KIF19: variants seen among roughly 807,000 people sequenced by gnomAD.
The protein encoded by KIF19 is kinesin-like protein KIF19.
Under a neutral mutation model 106.6 loss-of-function variants are expected in KIF19, and 98 were observed. The ratio of observed to expected loss-of-function variants is 0.92; its 90% CI spans 0.78 to 1.09. KIF19 has a LOEUF of 1.09. Ranked by LOEUF, KIF19 falls within the 50% of genes least tolerant of loss-of-function variation. KIF19 has a pLI of 0.00. For synonymous variants in KIF19, 516 were observed against 584.2 expected (o/e 0.88, Z 1.68); for missense variants, 1,373 against 1,414.3 (o/e 0.97, Z 0.47).
At chr17:74,352,775 C>T (rs2054753396) in intron 14 of KIF19, 46 bp from the exon 15 acceptor site, 2 of 1,612,074 alleles carry the variant, frequency 1.2e-6, no homozygotes, top group Admixed American at 1.7e-5. Context: ...TGATTTGGTC[C>T]AGGACCAAAT....
rs1353355046 is a variant in KIF19, at chr17:74,352,808, C to T, written c.1981-13C>T. 1.9e-6 allele frequency: 3 copies of T among 1,613,928 alleles called. No individual in the cohort carries two copies. The highest frequency in any genetic ancestry group is 1.7e-5 in the Admixed American group (1 of 60,026). On this transcript the variant is annotated splice_polypyrimidine_tract_variant and intron_variant, in intron 14 of 19. Transcript: ENST00000389916. ...AATCTTCTAACTGTCCACCCTGGCT[C>T]CCTCCTCCCCAGGACAGCTCCTTGC...
intron 3 of KIF19, among the ~76,000 whole-genome samples, chr17:74,342,386 G>T (rs2054405368): frequency 6.6e-6 from 1 of 152,176 alleles, no homozygotes; most frequent in Non-Finnish European, 1.5e-5. Flanking sequence ...CATCCTCAGG[G>T]CGGGGGGCCA....
chr17:74,328,538 C>CAGAT, intron 2 of KIF19, 33 bp downstream of exon 2: 2 of 1,562,592 alleles, frequency 1.3e-6, no homozygotes, highest in Non-Finnish European at 1.7e-6. Context: ...AGCTGCAGGG[C>CAGAT]AGAGGTCTGC....
intron 14 of KIF19, among the ~76,000 whole-genome samples, chr17:74,352,560 G>T (rs2054745282): frequency 6.6e-6 from 1 of 152,178 alleles, no homozygotes; most frequent in Non-Finnish European, 1.5e-5. Context: ...CCCACCCAGG[G>T]TCTGAGGGTC....
In KIF19 at chr17:74,347,703, G is replaced by A. The variant is rs1009632082; in HGVS notation, c.925-74G>A. On this transcript the variant is annotated intron_variant, in intron 8 of 19. Transcript: ENST00000389916. ...CAGAGAGATTGCACTCGCCAGGGAG[G>A]GCATCGTGAACAGCCTGGCAGGAGG... The A allele has an allele frequency of 6.6e-6, 10 of 1,521,396 alleles. No individual in the cohort carries two copies. The African/African-American group carries it at 1.2e-4, about 19-fold the overall frequency. The allele number at this position is 1,521,396 out of a possible 1,614,324, so 94.2% of individuals were successfully genotyped here.
chr17:74,333,077 C>T (rs575096357), intron 2 of KIF19, among the ~76,000 whole-genome samples: 76 of 152,338 alleles, frequency 5.0e-4, no homozygotes, highest in African/African-American at 1.6e-3. Flanking sequence ...AGAAGTGCTG[C>T]GGGAGCAGCT....
At chr17:74,339,438 C>G (rs1185148791) in intron 2 of KIF19, among the ~76,000 whole-genome samples, 1 of 151,144 alleles carries the variant, frequency 6.6e-6, no homozygotes, top group Non-Finnish European at 1.5e-5. Context: ...TGCCCATGCC[C>G]TACCTCCCTC....
In KIF19 at chr17:74,350,446, G is replaced by A. The variant is rs1395344368; in HGVS notation, c.1259G>A (p.Gly420Glu). 5.6e-6 allele frequency: 9 copies of A among 1,608,880 alleles called. No homozygotes were observed. The highest frequency in any genetic ancestry group is 7.6e-6 in the Non-Finnish European group (9 of 1,178,546). The change falls in exon 11 of 20, where the codon GGA becomes GAA. Residue 420 changes from glycine to glutamate, a missense_variant. This residue lies in a region of KIF19 where 1,020 missense variants were observed against 1,008.2 expected (regional missense o/e 1.01). Coordinates refer to ENST00000389916, the MANE Select transcript of KIF19 (RefSeq NM_153209.4). Reference protein sequence around the residue: ...HSGQGEKAGMGQLREQLASAF... With the variant: ...HSGQGEKAGMEQLREQLASAF... ...GGGCAGGGTGAGAAGGCTGGCATGG[G>A]ACAGCTTCGGGAGCAGCTCGCCAGC...
intron 4 of KIF19, 56 bp downstream of exon 4, chr17:74,342,773 C>T: frequency 1.3e-6 from 2 of 1,495,578 alleles, no homozygotes; most frequent in Non-Finnish European, 1.9e-6. Context: ...TAATCCCCGT[C>T]ACCCTCCAAC....
chr17:74,352,528 G>A (rs940971935), intron 14 of KIF19, among the ~76,000 whole-genome samples, 188 bp downstream of exon 14: 1 of 152,174 alleles, frequency 6.6e-6, no homozygotes, highest in Non-Finnish European at 1.5e-5. Flanking sequence ...TCCTCCTTGG[G>A]CACTCCTGGG....
rs923216345 is a variant in KIF19, at chr17:74,331,344, C to T, written c.120+2839C>T. Among the ~76,000 whole-genome samples, 2 of 151,266 alleles carry T rather than the reference C, an allele frequency of 1.3e-5. No individual in the cohort carries two copies. The highest frequency in any genetic ancestry group is 2.9e-5 in the Non-Finnish European group (2 of 67,848). On this transcript the variant is annotated intron_variant, in intron 2 of 19. Transcript: ENST00000389916. The surrounding 1 kb of genome is among the most constrained non-coding windows in gnomAD (Gnocchi z 4.1). ...TTTGGGAGCTGAGCCAGGACATGTT[C>T]GTCCTGAGTGGGGAGAGGTGGACCG...
chr17:74,328,380 A>G (rs1340790613), intron 1 of KIF19, 45 bp from the exon 2 acceptor site: 3 of 1,548,928 alleles, frequency 1.9e-6, no homozygotes, highest in Non-Finnish European at 2.6e-6. Context: ...GAGGCCCAGC[A>G]TGGTCCTCTC....
At chr17:74,351,072 T>G in intron 12 of KIF19, 167 bp downstream of exon 12, 3 of 659,724 alleles carry the variant, frequency 4.5e-6, no homozygotes, top group Non-Finnish European at 8.1e-6. Context: ...ATGCGTCACA[T>G]TCCCCACCTG....
intron 2 of KIF19, among the ~76,000 whole-genome samples, chr17:74,333,056 T>G (rs2054135538): frequency 6.6e-6 from 1 of 152,220 alleles, no homozygotes; most frequent in Admixed American, 6.5e-5. Flanking sequence ...AGATGTCAGC[T>G]GCCCGAGCCC....
intron 15 of KIF19, 117 bp downstream of exon 15, chr17:74,353,071 G>T (rs2054765163): frequency 4.9e-6 from 7 of 1,441,392 alleles, no homozygotes; most frequent in Non-Finnish European, 5.8e-6. Context: ...AGGTGGCCCA[G>T]GTCTGGAGCC....
rs1400295902 is a variant in KIF19, at chr17:74,352,283, G to A, written c.1923G>A (p.Glu641=). The A allele has an allele frequency of 1.2e-6, 2 of 1,612,576 alleles. No individual in the cohort carries two copies. Among genetic ancestry groups the A allele is most frequent in the Non-Finnish European group, 1.7e-6 (2 of 1,179,616 alleles). The change falls in exon 14 of 20, where the codon GAG becomes GAA. Residue 641 remains glutamate, a synonymous_variant. Transcript: ENST00000389916. The part of the protein sequence containing the change: ...ELYEVYLREL[E]EGSLEQATIM... ...ACGAAGTGTACCTGCGGGAGCTGGAGGAGGGCAGCCTGGAGCAGGCCACCA... is the reference window on the plus strand; with the variant it reads ...ACGAAGTGTACCTGCGGGAGCTGGAAGAGGGCAGCCTGGAGCAGGCCACCA...
intron 15 of KIF19, 97 bp downstream of exon 15, chr17:74,353,051 G>A: frequency 6.6e-7 from 1 of 1,504,742 alleles, no homozygotes; most frequent in Admixed American, 1.9e-5. Flanking sequence ...GAGCAGCAAT[G>A]AGAGGGAGCA....
chr17:74,350,915 G>A lies in KIF19; in HGVS notation c.1587+10G>A. On this transcript the variant is annotated intron_variant, in intron 12 of 19. Coordinates refer to ENST00000389916, the MANE Select transcript of KIF19 (RefSeq NM_153209.4). Reference sequence around the variant, plus strand: ...ACTGCGCAAGCAGAAGGTGTCCAGGGTTTGGGGGGACAAGGAGAGTGGGTT... The same window carrying A: ...ACTGCGCAAGCAGAAGGTGTCCAGGATTTGGGGGGACAAGGAGAGTGGGTT... The A allele has an allele frequency of 9.3e-6, 15 of 1,613,146 alleles. No individual in the cohort carries two copies. The highest frequency in any genetic ancestry group is 1.2e-5 in the Non-Finnish European group (14 of 1,179,846).
rs2054820686 is a variant in KIF19 at position 74,354,512 on chromosome 17, A to G, written c.2659A>G (p.Lys887Glu). 6.2e-7 allele frequency: 1 copy of G among 1,603,830 alleles called. No homozygotes were observed. The highest frequency in any genetic ancestry group is 8.5e-7 in the Non-Finnish European group (1 of 1,175,910). Residue 887 changes from lysine (K) to glutamate (E), a missense_variant, in exon 18 of 20, where the codon AAG becomes GAG. Coordinates refer to ENST00000389916, the MANE Select transcript of KIF19 (RefSeq NM_153209.4). ...GKKREESLEA[K>E]RRKRRSRSFE... The stretch of plus-strand genomic sequence containing the variant: ...GAAAAGGGAGGAGTCGCTGGAGGCA[A>G]AGAGAAGGAAGCGGAGGTCCCGATC...
Sources: allele counts gnomAD v4.1 joint callset (sites outside exome capture counted in the v4.1 genomes callset), GRCh38; gene constraint gnomAD v4.1.1; regional missense constraint gnomAD v4.1.1; non-coding constraint Gnocchi (gnomAD v3.1); transcripts MANE v1.5; gene names NCBI Gene and HGNC (gene_info 2026-07-23, HGNC 2026-07-21).